Variants in SETDB2 observed in about 807,000 individuals in gnomAD.
SETDB2 encodes the protein histone-lysine N-methyltransferase SETDB2.
Under a neutral mutation model 82.5 loss-of-function variants are expected in SETDB2, and 56 were observed. That is an observed-to-expected ratio of 0.68 (90% CI 0.55 to 0.85). The LOEUF is 0.85. Ranked by LOEUF, SETDB2 falls within the 40% of genes least tolerant of loss-of-function variation. SETDB2 has a pLI of 0.00. For synonymous variants in SETDB2, 272 were observed against 284.9 expected (o/e 0.95, Z 0.46); for missense variants, 677 against 816.4 (o/e 0.83, Z 2.08).
intron 5 of SETDB2, among the ~76,000 whole-genome samples, chr13:49,468,676 A>G (rs1343551286): frequency 6.9e-6 from 1 of 144,424 alleles, no homozygotes; most frequent in East Asian, 2.1e-4. Flanking sequence ...AAACTATATA[A>G]TTATTTTTTT....
At chr13:49,451,203 C>T (rs1428232297) in intron 1 of SETDB2, among the ~76,000 whole-genome samples, 2 of 150,986 alleles carry the variant, frequency 1.3e-5, no homozygotes, top group East Asian at 1.9e-4. Context: ...ATGTCAGGCA[C>T]ATTATATGTA....
chr13:49,481,998 C>T lies in SETDB2; in HGVS notation c.1157-739C>T, dbSNP rs561980746. The T allele has an allele frequency of 6.5e-6, 6 of 925,522 alleles. No homozygotes were observed. In the African/African-American group the frequency reaches 8.9e-5, roughly 14 times the overall value. 57.3% of individuals were successfully genotyped at this position (925,522 alleles called of 1,614,324 possible). A position where few individuals can be genotyped will look rare whatever the true frequency, so the allele number is the denominator to read the frequency against. ...AAGCTTGCAGAGTTCAGAGTAGTCA[C>T]ACGTATGGATCCCTGCCACTCCCCA... On this transcript the variant is annotated intron_variant, in intron 8 of 13. Transcript: ENST00000611815.
intron 13 of SETDB2, 148 bp downstream of exon 13, chr13:49,491,058 G>A (rs1958701643): frequency 1.9e-6 from 1 of 532,152 alleles, no homozygotes; most frequent in Non-Finnish European, 3.3e-6. Flanking sequence ...TTTAAGACCA[G>A]CCAGAGCCAC....
intron 2 of SETDB2, among the ~76,000 whole-genome samples, chr13:49,455,167 G>A (rs1042612225): frequency 6.6e-6 from 1 of 152,052 alleles, no homozygotes; most frequent in Non-Finnish European, 1.5e-5. Context: ...TCTACATTCA[G>A]TCTTCTGTGT....
Position 49,485,686 on chromosome 13 carries a change from C to T in SETDB2, c.1539C>T (p.Pro513=). The change falls in exon 11 of 14, where the codon CCC becomes CCT. Residue 513 remains proline (P), a synonymous_variant. Coordinates refer to ENST00000611815, the MANE Select transcript of SETDB2 (RefSeq NM_001160308.3). The part of the protein sequence containing the change: ...TPEDNDGFKP[P]REHLNSKTKG... ...AAGATAATGATGGATTTAAACCACC[C>T]CGAGAGCATCTGAACTCTAAAACCA... is the stretch of plus-strand genomic sequence containing the variant. The T allele has an allele frequency of 6.2e-7, 1 of 1,613,952 alleles. No individual in the cohort carries two copies. Among genetic ancestry groups the T allele is most frequent in the Non-Finnish European group, 8.5e-7 (1 of 1,179,984 alleles).
chr13:49,465,520 T>G (rs1958087314), intron 4 of SETDB2, among the ~76,000 whole-genome samples: 1 of 151,962 alleles, frequency 6.6e-6, no homozygotes, highest in Admixed American at 6.6e-5. Flanking sequence ...CCAAAAATAA[T>G]CAAAAGGGTC....
chr13:49,491,200 GATAATT>G (rs1958704645), intron 13 of SETDB2, among the ~76,000 whole-genome samples: 2 of 152,152 alleles, frequency 1.3e-5, no homozygotes, highest in Admixed American at 1.3e-4. Flanking sequence ...CTCAAAAAAT[GATAATT>G]ATAATAGAAA....
intron 5 of SETDB2, among the ~76,000 whole-genome samples, chr13:49,468,561 G>A (rs900100716): frequency 1.3e-5 from 2 of 151,330 alleles, no homozygotes; most frequent in African/African-American, 4.9e-5. Flanking sequence ...GTTCTCTAGA[G>A]TAGAGAACAT....
At chr13:49,453,431 G>T (rs1427629913) in intron 2 of SETDB2, among the ~76,000 whole-genome samples, 1 of 151,920 alleles carries the variant, frequency 6.6e-6, no homozygotes, top group Admixed American at 6.6e-5. Context: ...TGAGTAGCTA[G>T]GATTACAGGT....
At chr13:49,490,384 T>A (rs570390918) in intron 12 of SETDB2, among the ~76,000 whole-genome samples, 123 of 152,186 alleles carry the variant, frequency 8.1e-4, no homozygotes, top group Non-Finnish European at 1.2e-3. Context: ...TGCATAGAAT[T>A]CTATTGTGTA....
intron 2 of SETDB2, among the ~76,000 whole-genome samples, chr13:49,453,449 G>A (rs1189087101): frequency 1.3e-5 from 2 of 151,516 alleles, no homozygotes; most frequent in African/African-American, 4.8e-5. Flanking sequence ...GGTGTGTGCC[G>A]CCACGCCCAG....
chr13:49,471,913 CATATATAT>C (rs1232849321), intron 5 of SETDB2, among the ~76,000 whole-genome samples: 5 of 107,722 alleles, frequency 4.6e-5, no homozygotes, highest in South Asian at 3.4e-4. Flanking sequence ...TCTCATGTGA[CATATATAT>C]ATATATATAT....
chr13:49,480,321 A>T lies in SETDB2; in HGVS notation c.972A>T (p.Arg324Ser), dbSNP rs1958452673. The T allele has an allele frequency of 1.9e-6, 3 of 1,594,052 alleles. No homozygotes were observed. Among genetic ancestry groups the T allele is most frequent in the Non-Finnish European group, 2.6e-6 (3 of 1,170,004 alleles). ...GATATAAATATAAAAGACTACAGAG[A>T]CAGATTCCTACTGGGTAAGGTACCT... ...TTGYKYKRLQ[R>S]QIPTGIYECS... Residue 324 changes from arginine (R) to serine (S), a missense_variant, in exon 7 of 14, where the codon AGA becomes AGT. Arg to Ser is a moderately radical substitution (Grantham distance 110). Transcript: ENST00000611815.
At chr13:49,446,533 T>A (rs1388835157) in intron 1 of SETDB2, 1 of 356,904 alleles carries the variant, frequency 2.8e-6, no homozygotes, top group East Asian at 8.2e-5. Flanking sequence ...TTTGTAATTT[T>A]TTAGTGGAAA....
intron 5 of SETDB2, 42 bp from the exon 6 acceptor site, chr13:49,476,434 A>G (rs376624323): frequency 4.6e-6 from 6 of 1,290,778 alleles, no homozygotes; most frequent in Non-Finnish European, 6.5e-6. Context: ...TGAGGAATTG[A>G]ACTATAAATT....
In SETDB2 at chr13:49,494,134, C is replaced by A. The variant is rs1316615123; in HGVS notation, c.*2285C>A. On this transcript the variant is annotated 3_prime_UTR_variant, in exon 14 of 14. Transcript: ENST00000611815. ...TAGGAGCATTTCTCAATTTAATCTT[C>A]CAGTTCATCTGTTGCATTTTATTTT... The A allele has an allele frequency of 6.6e-6, 1 of 151,830 alleles. No individual in the cohort carries two copies. The highest frequency in any genetic ancestry group is 1.5e-5 in the Non-Finnish European group (1 of 68,036). The allele number at this position is 151,830 out of a possible 1,614,324, so 9.4% of individuals were successfully genotyped here.
At chr13:49,457,215 C>CTTTTT (rs573356682) in intron 2 of SETDB2, among the ~76,000 whole-genome samples, 1 of 81,018 alleles carries the variant, frequency 1.2e-5, no homozygotes, top group African/African-American at 4.1e-5. Flanking sequence ...ATTTCTAAGA[C>CTTTTT]TTTTTTTTTT....
At chr13:49,451,944 T>G (rs1259987479) in intron 2 of SETDB2, 35 bp downstream of exon 2, 1 of 1,429,260 alleles carries the variant, frequency 7.0e-7, no homozygotes, top group African/African-American at 1.4e-5. Context: ...ACTTTATATC[T>G]AAAAGTATAA....
At chr13:49,448,594 G>A (rs1251922011) in intron 1 of SETDB2, among the ~76,000 whole-genome samples, 1 of 152,050 alleles carries the variant, frequency 6.6e-6, no homozygotes, top group East Asian at 1.9e-4. Flanking sequence ...GGTAGTATGG[G>A]GTGGGGGGTT....
Sources: gnomAD v4.1 joint callset for allele counts (sites outside exome capture counted in the v4.1 genomes callset) on GRCh38, gnomAD v4.1.1 for gene constraint, MANE v1.5 for transcripts, NCBI Gene and HGNC (gene_info 2026-07-23, HGNC 2026-07-21) for gene names.